Variants in QPRT observed in about 807,000 individuals in gnomAD.
QPRT encodes quinolinate phosphoribosyltransferase.
Under a neutral mutation model 19.8 loss-of-function variants are expected in QPRT, and 17 were observed. The ratio of observed to expected loss-of-function variants is 0.86; its 90% CI spans 0.59 to 1.29. The LOEUF (loss-of-function observed/expected upper bound fraction) is 1.29. Ranked by LOEUF, QPRT falls within the 50% of genes most tolerant of loss-of-function variation. The pLI is 0.00. For missense variants in QPRT, 336 were observed against 405.1 expected, an observed-to-expected ratio of 0.83 and a Z score of 1.46; for synonymous variants, 178 against 191.0, an observed-to-expected ratio of 0.93 and a Z score of 0.56.
At chr16:29,685,080 A>T (rs1416874236) in intron 1 of QPRT, among the ~76,000 whole-genome samples, 2 of 152,208 alleles carry the variant, frequency 1.3e-5, no homozygotes, top group African/African-American at 4.8e-5. Flanking sequence ...ATTCTGGTAG[A>T]TCCCCTTTTG....
chr16:29,695,252 C>G, intron 2 of QPRT, 53 bp downstream of exon 2: 1 of 1,469,670 alleles, frequency 6.8e-7, no homozygotes, highest in East Asian at 2.5e-5. Context: ...CACCCCTCCC[C>G]TCCCCTCCCC....
intron 1 of QPRT, among the ~76,000 whole-genome samples, chr16:29,694,246 G>T (rs1967442252): frequency 1.3e-5 from 2 of 151,438 alleles, no homozygotes. Flanking sequence ...AGCCTCTGGA[G>T]TCGCTGGGAC....
intron 1 of QPRT, among the ~76,000 whole-genome samples, chr16:29,687,934 A>G (rs1239963487): frequency 6.6e-6 from 1 of 152,030 alleles, no homozygotes; most frequent in Non-Finnish European, 1.5e-5. Context: ...GTGAGCCATG[A>G]TTGCACCACT....
Position 29,694,994 on chromosome 16 carries a change from C to T in QPRT, c.344C>T (p.Ala115Val). ...ACGCTGGCCCGCTGCAGTGGCATTG[C>T]CAGTGCTGCCGCCGCTGCAGTGGAG... ...LNTLARCSGI[A>V]SAAAAAVEAA... The change falls in exon 2 of 4, where the codon GCC becomes GTC. Residue 115 changes from alanine (A) to valine (V), a missense_variant. Transcript: ENST00000395384. 1.2e-6 allele frequency: 2 copies of T among 1,605,338 alleles called. No homozygotes were observed. The highest frequency in any genetic ancestry group is 1.7e-6 in the Non-Finnish European group (2 of 1,178,862).
At chr16:29,695,524 C>G (rs972371266) in intron 2 of QPRT, among the ~76,000 whole-genome samples, 17 of 126,818 alleles carry the variant, frequency 1.3e-4, no homozygotes, top group Non-Finnish European at 2.2e-4. Flanking sequence ...GAGTCTCACT[C>G]TTTCACCCAG....
chr16:29,695,199 G>T lies in QPRT; in HGVS notation c.549G>T (p.Lys183Asn). 1 of 1,538,570 alleles carries T rather than the reference G, an allele frequency of 6.5e-7. No homozygotes were observed. The highest frequency in any genetic ancestry group is 8.8e-7 in the Non-Finnish European group (1 of 1,140,424). ...TGGTGGCCGCCGGTGGCGTGGAGAA[G>T]GTGCTGGTCCTGCCTGTCCCTGGTC... ...NHVVAAGGVE[K>N]AVRAARQAAD... Residue 183 changes from lysine to asparagine, a missense_variant and splice_region_variant, in exon 2 of 4, where the codon AAG (lysine) becomes AAT (asparagine). By Grantham distance (94) the Lys-to-Asn change is moderately conservative. Transcript: ENST00000395384.
At chr16:29,692,664 G>C (rs1320414000) in intron 1 of QPRT, among the ~76,000 whole-genome samples, 1 of 152,164 alleles carries the variant, frequency 6.6e-6, no homozygotes, top group East Asian at 1.9e-4. Flanking sequence ...TCATGGGCTA[G>C]ATGCGGTGGC....
At chr16:29,683,094 G>GGCTCACTGCAACCTCC (rs1967059953) in intron 1 of QPRT, among the ~76,000 whole-genome samples, 1 of 149,590 alleles carries the variant, frequency 6.7e-6, no homozygotes, top group Non-Finnish European at 1.5e-5. Flanking sequence ...GCGCAACCTC[G>GGCTCACTGCAACCTCC]GCTCACTGCA....
At chr16:29,692,589 A>G (rs1002793107) in intron 1 of QPRT, among the ~76,000 whole-genome samples, 2 of 151,140 alleles carry the variant, frequency 1.3e-5, no homozygotes, top group African/African-American at 4.9e-5. Flanking sequence ...AAGTGTGGGT[A>G]TATAGTAGGT....
At position 29,695,136 on chromosome 16, in the gene QPRT, C is replaced by G; in HGVS notation, c.486C>G (p.Tyr162Ter). Residue 162 changes from tyrosine (Y) to a stop codon, truncating the protein, a stop_gained, in exon 2 of 4, where the codon TAC becomes TAG. Coordinates refer to ENST00000395384, the MANE Select transcript of QPRT (RefSeq NM_014298.6). LOFTEE classifies it high-confidence loss of function. ...LLVGGAASHRYDLGGLVMVKD... is the reference protein window; with the variant it reads ...LLVGGAASHR The stretch of plus-strand genomic sequence containing the variant: ...TGGGCGGGGCCGCCTCGCACCGCTA[C>G]GACCTGGGAGGGCTGGTGATGGTGA... 6.3e-7 allele frequency: 1 copy of G among 1,584,342 alleles called. No homozygotes were observed. Among genetic ancestry groups the G allele is most frequent in the Non-Finnish European group, 8.6e-7 (1 of 1,166,264 alleles).
chr16:29,695,554 A>G (rs759242928), intron 2 of QPRT, among the ~76,000 whole-genome samples: 11 of 145,624 alleles, frequency 7.6e-5, no homozygotes, highest in Non-Finnish European at 1.3e-4. Flanking sequence ...AAGTGATGCA[A>G]TCTCGGCTCA....
intron 2 of QPRT, chr16:29,696,574 A>C (rs990483031): frequency 1.3e-5 from 2 of 156,372 alleles, no homozygotes; most frequent in African/African-American, 4.8e-5. Context: ...CGAGGTCATG[A>C]GTTAGAGACC....
intron 1 of QPRT, among the ~76,000 whole-genome samples, chr16:29,692,742 C>A (rs1967387213): frequency 6.6e-6 from 1 of 152,024 alleles, no homozygotes; most frequent in Non-Finnish European, 1.5e-5. Context: ...CAGAGCGAGA[C>A]TCCGTCTCAA....
At chr16:29,695,440 T>C (rs1967501456) in intron 2 of QPRT, among the ~76,000 whole-genome samples, 1 of 151,364 alleles carries the variant, frequency 6.6e-6, no homozygotes, top group African/African-American at 2.4e-5. Context: ...GTCTCTCCAG[T>C]AGCTGGATAT....
intron 2 of QPRT, among the ~76,000 whole-genome samples, chr16:29,695,484 CTT>C (rs962384967): frequency 2.2e-4 from 21 of 93,600 alleles, no homozygotes; most frequent in East Asian, 1.2e-3. Flanking sequence ...CTAATTTTTG[CTT>C]TTTTTTTTTT....
At chr16:29,686,721 G>T (rs975545565) in intron 1 of QPRT, among the ~76,000 whole-genome samples, 6 of 152,132 alleles carry the variant, frequency 3.9e-5, no homozygotes, top group Admixed American at 6.6e-5. Flanking sequence ...GGCCAGGCTG[G>T]TCTTGAACTC....
At chr16:29,693,891 G>A (rs1160205314) in intron 1 of QPRT, among the ~76,000 whole-genome samples, 2 of 151,268 alleles carry the variant, frequency 1.3e-5, no homozygotes, top group African/African-American at 4.9e-5. Flanking sequence ...CGCCTGGCCA[G>A]ACTGATTTTT....
intron 1 of QPRT, among the ~76,000 whole-genome samples, chr16:29,679,483 G>A (rs1482578128): frequency 6.6e-6 from 1 of 152,164 alleles, no homozygotes; most frequent in East Asian, 1.9e-4. Flanking sequence ...TGGCCTGGAG[G>A]AGGTGGCGTC....
At position 29,695,164 on chromosome 16, in the gene QPRT, G is replaced by T; in HGVS notation, c.514G>T (p.Asp172Tyr). The part of the protein sequence containing the change: ...YDLGGLVMVK[D>Y]NHVVAAGGVE... ...CCTGGGAGGGCTGGTGATGGTGAAG[G>T]ATAACCATGTGGTGGCCGCCGGTGG... Residue 172 changes from aspartate (D) to tyrosine (Y), a missense_variant, in exon 2 of 4, where the codon GAT becomes TAT. Asp to Tyr is a radical substitution (Grantham distance 160). Transcript: ENST00000395384. The T allele has an allele frequency of 6.4e-7, 1 of 1,569,606 alleles. No homozygotes were observed. The highest frequency in any genetic ancestry group is 8.6e-7 in the Non-Finnish European group (1 of 1,157,630).
Sources: allele counts gnomAD v4.1 joint callset (sites outside exome capture counted in the v4.1 genomes callset), GRCh38; gene constraint gnomAD v4.1.1; transcripts MANE v1.5; gene names NCBI Gene and HGNC (gene_info 2026-07-23, HGNC 2026-07-21).